Variants in DOK6 observed in about 807,000 individuals in gnomAD.
The protein encoded by DOK6 is docking protein 6.
In DOK6, 22 loss-of-function variants were observed where a neutral mutation model predicts 44.0. That is an observed-to-expected ratio of 0.50 (90% CI 0.36 to 0.71). The LOEUF is 0.71. Ranked by LOEUF, DOK6 falls within the 30% of genes least tolerant of loss-of-function variation. The pLI, the probability that DOK6 is intolerant of heterozygous loss-of-function variation, is 0.00. For synonymous variants in DOK6, 166 were observed against 145.5 expected, an observed-to-expected ratio of 1.14 and a Z score of -1.01; for missense variants, 340 against 416.4, an observed-to-expected ratio of 0.82 and a Z score of 1.60.
chr18:69,536,897 A>T, intron 1 of DOK6, among the ~76,000 whole-genome samples: 1 of 151,814 alleles, frequency 6.6e-6, no homozygotes, highest in East Asian at 1.9e-4. Context: ...GGCTCAATTG[A>T]ATATTTTCTT....
intron 1 of DOK6, among the ~76,000 whole-genome samples, chr18:69,554,940 C>T (rs186844514): frequency 5.9e-5 from 9 of 152,182 alleles, no homozygotes; most frequent in Non-Finnish European, 7.4e-5. Flanking sequence ...TTTTTATAAG[C>T]GCCTGCTCAA....
chr18:69,479,864 G>A (rs553323184), intron 1 of DOK6, among the ~76,000 whole-genome samples: 1 of 152,192 alleles, frequency 6.6e-6, no homozygotes, highest in African/African-American at 2.4e-5. Context: ...CATTTCTTTT[G>A]CATCTGTTTA....
intron 1 of DOK6, among the ~76,000 whole-genome samples, chr18:69,498,955 A>G (rs753416573): frequency 2.2e-4 from 34 of 152,218 alleles, no homozygotes; most frequent in Admixed American, 9.2e-4. Context: ...ATGCCTAAGT[A>G]GCTGTTTGAA....
intron 7 of DOK6, 104 bp downstream of exon 7, chr18:69,757,977 T>C (rs1979415967): frequency 2.0e-6 from 2 of 977,188 alleles, no homozygotes; most frequent in South Asian, 2.7e-5. Flanking sequence ...TTTCCTCCCA[T>C]TCCCATTTAT....
chr18:69,445,475 A>G (rs1052884539), intron 1 of DOK6, among the ~76,000 whole-genome samples: 4 of 152,080 alleles, frequency 2.6e-5, no homozygotes, highest in Non-Finnish European at 5.9e-5. Flanking sequence ...CTCTTCCCAG[A>G]TTATTAAGTG....
rs561397436 is a variant in DOK6 at position 69,786,389 on chromosome 18, C to T, written c.856+28516C>T. ...AAGTCTGAGCTTTCAATGAATGAGT[C>T]ACTTGTGGCTTAACCTAATTCCTAT... On this transcript the variant is annotated intron_variant, in intron 7 of 7. Coordinates refer to ENST00000382713, the MANE Select transcript of DOK6 (RefSeq NM_152721.6). Among the ~76,000 whole-genome samples, 9 of 152,272 alleles carry T rather than the reference C, an allele frequency of 5.9e-5. No individual in the cohort carries two copies. The East Asian group carries it at 1.5e-3, about 26-fold the overall frequency.
At chr18:69,694,123 G>A (rs1452616183) in intron 4 of DOK6, among the ~76,000 whole-genome samples, 1 of 148,420 alleles carries the variant, frequency 6.7e-6, no homozygotes, top group Admixed American at 6.8e-5. Flanking sequence ...GGCTGACAGG[G>A]AAGATTTCAG....
At chr18:69,831,611 A>AT (rs1355824560) in intron 7 of DOK6, among the ~76,000 whole-genome samples, 1 of 152,168 alleles carries the variant, frequency 6.6e-6, no homozygotes, top group Non-Finnish European at 1.5e-5. Flanking sequence ...GATTGAAACC[A>AT]TTGATCTTCA....
chr18:69,585,435 G>C (rs570750489), intron 2 of DOK6, among the ~76,000 whole-genome samples: 1 of 152,148 alleles, frequency 6.6e-6, no homozygotes, highest in Non-Finnish European at 1.5e-5. Context: ...TGTGCTAGAA[G>C]GAAAGTGTCT....
chr18:69,722,573 T>A (rs1978290414), intron 5 of DOK6, among the ~76,000 whole-genome samples: 1 of 152,170 alleles, frequency 6.6e-6, no homozygotes, highest in Admixed American at 6.5e-5. Flanking sequence ...CAGGGCACAG[T>A]CAAGGTCAGT....
At chr18:69,551,558 C>T (rs1395451019) in intron 1 of DOK6, among the ~76,000 whole-genome samples, 1 of 151,902 alleles carries the variant, frequency 6.6e-6, no homozygotes, top group Non-Finnish European at 1.5e-5. Flanking sequence ...AAGAATGGAC[C>T]CATATGGTAT....
intron 5 of DOK6, among the ~76,000 whole-genome samples, chr18:69,699,482 A>G (rs1412132900): frequency 6.6e-6 from 1 of 151,598 alleles, no homozygotes; most frequent in Non-Finnish European, 1.5e-5. Context: ...GGGAAAAAAC[A>G]AACAAAAAAC....
chr18:69,508,510 A>T (rs1213695401), intron 1 of DOK6, among the ~76,000 whole-genome samples: 1 of 152,170 alleles, frequency 6.6e-6, no homozygotes, highest in African/African-American at 2.4e-5. Flanking sequence ...TTTTAATTAG[A>T]ATTCAGTTTT....
At chr18:69,739,955 AC>A (rs1210349889) in intron 6 of DOK6, among the ~76,000 whole-genome samples, 5 of 152,178 alleles carry the variant, frequency 3.3e-5, no homozygotes, top group Non-Finnish European at 7.3e-5. Context: ...ATTCTATGAA[AC>A]ATTTTGAAGT....
intron 3 of DOK6, among the ~76,000 whole-genome samples, chr18:69,677,043 T>TGGG (rs1985937740): frequency 6.6e-6 from 1 of 152,146 alleles, no homozygotes; most frequent in African/African-American, 2.4e-5. Flanking sequence ...ACTTTTAAAT[T>TGGG]CTACCCCAAT....
Position 69,641,098 on chromosome 18 carries a change from C to G in DOK6, c.290-36636C>G, listed in dbSNP as rs570358396. On this transcript the variant is annotated intron_variant, in intron 3 of 7. Coordinates refer to ENST00000382713, the MANE Select transcript of DOK6 (RefSeq NM_152721.6). ...GAGCGTGGTGACACGTGCCTGTAGT[C>G]CCAGTTACTCGGGAGGCTGAGGCAG... Among the ~76,000 whole-genome samples, 59 of 152,134 alleles carry G rather than the reference C, an allele frequency of 3.9e-4. No homozygotes were observed. The Middle Eastern group carries it at 0.014, about 35-fold the overall frequency.
At chr18:69,724,923 C>T (rs766787) in intron 5 of DOK6, 103,760 of 152,048 alleles carry the variant, frequency 0.68, 35,912 homozygotes, top group East Asian at 0.91. Flanking sequence ...TCTGATGTTG[C>T]TATAAAGCCC....
In DOK6 at chr18:69,514,205, T is replaced by G. The variant is rs546014202; in HGVS notation, c.67-50282T>G. ...TCCAAGTACTTTTTACTGATCACTT[T>G]GAGGTCAAAATATTGAATCAAATAT... On this transcript the variant is annotated intron_variant, in intron 1 of 7. Transcript: ENST00000382713. Among the ~76,000 whole-genome samples, 47 of 151,994 alleles carry G rather than the reference T, an allele frequency of 3.1e-4. 1 individual carries two copies. The highest frequency in any genetic ancestry group is 1.1e-3 in the African/African-American group (46 of 41,476).
chr18:69,810,474 C>CTA (rs1473047688), intron 7 of DOK6, among the ~76,000 whole-genome samples: 7 of 151,822 alleles, frequency 4.6e-5, no homozygotes, highest in Non-Finnish European at 8.8e-5. Flanking sequence ...AATGGGATTA[C>CTA]ATCAAACTAA....
Sources: gnomAD v4.1 joint callset for allele counts (sites outside exome capture counted in the v4.1 genomes callset) on GRCh38, gnomAD v4.1.1 for gene constraint, MANE v1.5 for transcripts, NCBI Gene and HGNC (gene_info 2026-07-23, HGNC 2026-07-21) for gene names.